The following TANC2 variants were observed in gnomAD, a reference collection of about 807,000 sequenced individuals.
The protein encoded by TANC2 is protein TANC2.
In TANC2, 26 loss-of-function variants were observed where a neutral mutation model predicts 210.5. That is an observed-to-expected ratio of 0.12 (90% CI 0.09 to 0.17). The LOEUF is 0.17. Ranked by LOEUF, TANC2 falls within the 10% of genes least tolerant of loss-of-function variation. The pLI is 1.00. For missense variants in TANC2, 2,129 were observed against 2,608.9 expected, an observed-to-expected ratio of 0.82 and a Z score of 4.01; for synonymous variants, 931 against 967.1, an observed-to-expected ratio of 0.96 and a Z score of 0.69.
intron 11 of TANC2, among the ~76,000 whole-genome samples, chr17:63,332,999 C>T (rs1174857692): frequency 6.6e-6 from 1 of 152,238 alleles, no homozygotes; most frequent in South Asian, 2.1e-4. Context: ...AAATACTACT[C>T]CTCATGGACA....
rs138117500 is a variant in TANC2 at position 63,376,397 on chromosome 17, G to A, written c.2583-3321G>A. On this transcript the variant is annotated intron_variant, in intron 14 of 27. Transcript: ENST00000689528. The stretch of plus-strand genomic sequence containing the variant: ...GGGCAGTTTCCCCCATGCTGTTCTC[G>A]TGATAGCTGATAGTTTTATAAGTGT... Among the ~76,000 whole-genome samples, 168 of 152,210 alleles carry A rather than the reference G, an allele frequency of 1.1e-3. 2 individuals carry two copies. The highest frequency in any genetic ancestry group is 1.5e-3 in the Non-Finnish European group (101 of 67,994).
chr17:63,156,350 C>T (rs904276300), intron 5 of TANC2, among the ~76,000 whole-genome samples: 1 of 150,996 alleles, frequency 6.6e-6, no homozygotes, highest in African/African-American at 2.4e-5. Flanking sequence ...CACAGGTTCT[C>T]AAAACAGTTG....
chr17:63,188,234 T>G (rs895482864), intron 5 of TANC2, among the ~76,000 whole-genome samples: 4 of 151,298 alleles, frequency 2.6e-5, no homozygotes, highest in Non-Finnish European at 5.9e-5. Flanking sequence ...GTGCTGAGTT[T>G]GAGAGGACCA....
exon 28 of TANC2, chr17:63,425,500 T>C (rs1599104564): frequency 6.6e-6 from 1 of 152,332 alleles, no homozygotes; most frequent in South Asian, 2.1e-4. Flanking sequence ...TATCCATAAG[T>C]ATTTTTCCTT....
intron 5 of TANC2, among the ~76,000 whole-genome samples, chr17:63,180,869 C>CA (rs539176754): frequency 1.3e-3 from 200 of 151,356 alleles, no homozygotes; most frequent in South Asian, 3.4e-3. Context: ...ACTAAATATA[C>CA]AAAAAGTAGC....
At chr17:63,312,933 G>T (rs541100221) in intron 9 of TANC2, among the ~76,000 whole-genome samples, 2 of 152,098 alleles carry the variant, frequency 1.3e-5, no homozygotes, top group East Asian at 3.9e-4. Flanking sequence ...GGAAATTTTA[G>T]CCTTTTTTAA....
At chr17:63,044,573 C>A (rs367618019) in intron 2 of TANC2, among the ~76,000 whole-genome samples, 1 of 152,024 alleles carries the variant, frequency 6.6e-6, no homozygotes, top group Non-Finnish European at 1.5e-5. Flanking sequence ...AGTGAATATC[C>A]TTACCCACAC....
chr17:63,307,709 G>A (rs1311185468), intron 9 of TANC2, among the ~76,000 whole-genome samples: 1 of 152,130 alleles, frequency 6.6e-6, no homozygotes, highest in Admixed American at 6.6e-5. Flanking sequence ...TAATGCATTT[G>A]AAATTTAAAT....
At chr17:63,271,149 A>G (rs1205904560) in intron 9 of TANC2, among the ~76,000 whole-genome samples, 2 of 152,122 alleles carry the variant, frequency 1.3e-5, no homozygotes, top group Non-Finnish European at 2.9e-5. Flanking sequence ...TGTCTTTATG[A>G]TAACAATTTA....
intron 4 of TANC2, among the ~76,000 whole-genome samples, chr17:63,133,849 G>C (rs776079593): frequency 2.0e-5 from 3 of 151,862 alleles, no homozygotes; most frequent in Admixed American, 6.6e-5. Flanking sequence ...CCTACACATA[G>C]AATGGGTAGA....
intron 5 of TANC2, among the ~76,000 whole-genome samples, chr17:63,162,303 G>GA (rs113042998): frequency 0.32 from 45,994 of 141,658 alleles, 7,435 homozygotes; most frequent in African/African-American, 0.42. Context: ...ACCCTGTCTG[G>GA]AAAAAAAAAA....
intron 7 of TANC2, among the ~76,000 whole-genome samples, chr17:63,208,287 C>T (rs571158732): frequency 6.6e-6 from 1 of 152,282 alleles, no homozygotes; most frequent in South Asian, 2.1e-4. Context: ...TGTTCGCATG[C>T]AGTGTATTGC....
At chr17:63,417,064 G>C (rs778323367) in intron 26 of TANC2, among the ~76,000 whole-genome samples, 1 of 152,192 alleles carries the variant, frequency 6.6e-6, no homozygotes, top group Non-Finnish European at 1.5e-5. Flanking sequence ...AAATAAAAGG[G>C]TAAGGCTGGA....
chr17:62,968,705 G>C (rs2031508911), intron 1 of TANC2, among the ~76,000 whole-genome samples: 1 of 152,108 alleles, frequency 6.6e-6, no homozygotes, highest in South Asian at 2.1e-4. Context: ...AGTTGCGCTC[G>C]GGGAACCAGT....
In TANC2 at chr17:63,008,862, G is replaced by A. The variant is rs12950052; in HGVS notation, c.-23-675G>A. On this transcript the variant is annotated intron_variant, in intron 1 of 27. Transcript: ENST00000689528. ...GTGTGTGGTGGTGGGGGGTGGGGGG[G>A]CGGTGTGTGTTTGTGCGTCAGGTAG... 3.2e-5 allele frequency among the ~76,000 whole-genome samples: 4 copies of A among 123,872 alleles called. No individual in the cohort carries two copies. In the South Asian group the frequency reaches 1.2e-3, roughly 37 times the overall value. The allele number at this position is 123,872 out of a possible 152,430, so 81.3% of individuals were successfully genotyped here. A position where few individuals can be genotyped will look rare whatever the true frequency, so the allele number is the denominator to read the frequency against.
chr17:63,419,322 C>T (rs890865845), intron 27 of TANC2, among the ~76,000 whole-genome samples: 15 of 152,196 alleles, frequency 9.9e-5, no homozygotes, highest in Non-Finnish European at 2.1e-4. Context: ...GTCAGTTGCC[C>T]CTGTCAGGTG....
intron 3 of TANC2, among the ~76,000 whole-genome samples, chr17:63,090,652 G>T (rs561673495): frequency 6.6e-6 from 1 of 152,148 alleles, no homozygotes; most frequent in Non-Finnish European, 1.5e-5. Context: ...ATTGTGAATA[G>T]TGCTGCAATA....
At chr17:62,978,582 T>A (rs2032146403) in intron 1 of TANC2, 1 of 152,362 alleles carries the variant, frequency 6.6e-6, no homozygotes, top group Admixed American at 6.5e-5. Context: ...GAGACTGGGA[T>A]GGATGGTGTG....
intron 7 of TANC2, among the ~76,000 whole-genome samples, chr17:63,227,747 A>G (rs899158008): frequency 1.3e-5 from 2 of 152,130 alleles, no homozygotes; most frequent in Non-Finnish European, 2.9e-5. Context: ...TGGGTTTTAC[A>G]TTTAAGTCTT....
Sources: allele counts gnomAD v4.1 joint callset (sites outside exome capture counted in the v4.1 genomes callset), GRCh38; gene constraint gnomAD v4.1.1; transcripts MANE v1.5; gene names NCBI Gene and HGNC (gene_info 2026-07-23, HGNC 2026-07-21).